Variants in PRRT4 observed in about 807,000 individuals in gnomAD.
PRRT4 encodes proline rich transmembrane protein 4.
Under a neutral mutation model 55.6 loss-of-function variants are expected in PRRT4, and 59 were observed. That is an observed-to-expected ratio of 1.06 (90% CI 0.86 to 1.32). The LOEUF is 1.32. Among genes scored for constraint, PRRT4 ranks in the 40% most tolerant of loss-of-function variants. The pLI is 0.00. For synonymous variants in PRRT4, 606 were observed against 601.8 expected, an observed-to-expected ratio of 1.01 and a Z score of -0.10; for missense variants, 1,217 against 1,222.0, an observed-to-expected ratio of 1.00 and a Z score of 0.06.
At chr7:128,353,229 C>G (rs569334464) in intron 4 of PRRT4, among the ~76,000 whole-genome samples, 21 of 152,280 alleles carry the variant, frequency 1.4e-4, no homozygotes, top group African/African-American at 5.1e-4. Flanking sequence ...CCCAAGGTCA[C>G]AAATGGGCAG....
In PRRT4 at chr7:128,359,190, G is replaced by A. The variant is rs1213974457; in HGVS notation, c.716C>T (p.Thr239Ile). Residue 239 changes from threonine to isoleucine, a missense_variant, in exon 3 of 5, where the codon ACT becomes ATT. Around this residue, in one of 3 missense-constraint regions of PRRT4, gnomAD observed 564 missense variants for 592.9 expected, o/e 0.95. Coordinates refer to ENST00000535159, the Ensembl canonical transcript of PRRT4. Reference sequence around the variant, plus strand: ...TCCAGAGGCAGAGCTTGTGGATGTAGTTTCACCTGGGGGGCTCAGGCCGGA... The same window carrying A: ...TCCAGAGGCAGAGCTTGTGGATGTAATTTCACCTGGGGGGCTCAGGCCGGA... 16 of 1,551,672 alleles carry A rather than the reference G, an allele frequency of 1.0e-5. No individual in the cohort carries two copies. In the East Asian group the frequency reaches 2.7e-4, roughly 26 times the overall value.
At position 128,351,624 on chromosome 7, in the gene PRRT4, G is replaced by A. The variant is rs530807269; in HGVS notation, c.1932C>T (p.His644=). ...AGCCTCCCGGCAGCAGCGGAGCCGC[G>A]TGGCCCGGGGACAAGCGGAAGAGCT... Residue 644 remains histidine, a synonymous_variant, in exon 5 of 5, where the codon CAC becomes CAT. Transcript: ENST00000535159. The A allele has an allele frequency of 9.7e-5, 147 of 1,512,860 alleles. No individual in the cohort carries two copies. The African/African-American group carries it at 1.4e-3, about 15-fold the overall frequency. 93.7% of individuals were successfully genotyped at this position (1,512,860 alleles called of 1,614,324 possible).
chr7:128,357,058 G>C (rs1415466400), intron 4 of PRRT4, among the ~76,000 whole-genome samples: 1 of 152,172 alleles, frequency 6.6e-6, no homozygotes, highest in Non-Finnish European at 1.5e-5. Flanking sequence ...AACTGTTCTG[G>C]TATGTATGGA....
chr7:128,358,724 T>G lies in PRRT4; in HGVS notation c.834A>C (p.Pro278=). The G allele has an allele frequency of 6.4e-7, 1 of 1,551,738 alleles. No homozygotes were observed. The highest frequency in any genetic ancestry group is 8.7e-7 in the Non-Finnish European group (1 of 1,146,998). ...TCGAGGCAAAACTTAGGGAAGCAGC[T>G]GGGTCCAGAGGACTTGGGCTGGAGA... Residue 278 remains proline, a synonymous_variant, in exon 4 of 5, where the codon CCA becomes CCC. Coordinates refer to ENST00000535159, the Ensembl canonical transcript of PRRT4. The surrounding 1 kb of genome is among the most constrained non-coding windows in gnomAD (Gnocchi z 4.4).
rs1379543764 is a variant in PRRT4, at chr7:128,358,711, T to C, written c.847A>G (p.Ser283Gly). ...GATGTTGTTGCAATCGAGGCAAAAC[T>C]TAGGGAAGCAGCTGGGTCCAGAGGA... The change falls in exon 4 of 5, where the codon AGT (serine) becomes GGT (glycine). Residue 283 changes from serine to glycine, a missense_variant. Around this residue, in one of 3 missense-constraint regions of PRRT4, gnomAD observed 564 missense variants for 592.9 expected, o/e 0.95. Transcript: ENST00000535159. The surrounding 1 kb of genome is among the most constrained non-coding windows in gnomAD (Gnocchi z 4.4). 6.4e-7 allele frequency: 1 copy of C among 1,551,716 alleles called. No individual in the cohort carries two copies.
At chr7:128,354,568 AAAACACACACACACACACAC>A (rs1227077913) in intron 4 of PRRT4, among the ~76,000 whole-genome samples, 3 of 121,358 alleles carry the variant, frequency 2.5e-5, no homozygotes, top group Non-Finnish European at 3.8e-5. Flanking sequence ...TGGCTCAAAA[AAAACACACACACACACACAC>A]ACACACACAC....
rs563477339 is a variant in PRRT4, at chr7:128,351,548, C to T, written c.2008G>A (p.Gly670Arg). The T allele has an allele frequency of 1.1e-4, 159 of 1,483,646 alleles. No homozygotes were observed. In the East Asian group the frequency reaches 2.7e-3, roughly 26 times the overall value. The allele number at this position is 1,483,646 out of a possible 1,614,324, so 91.9% of individuals were successfully genotyped here. Residue 670 changes from glycine (G) to arginine (R), a missense_variant, in exon 5 of 5, where the codon GGG becomes AGG. Transcript: ENST00000535159. ...CACAGCTGCAGCAGCTCCGCGTCCC[C>T]GCGAGCGATGGCGCTCCCCAGGGGC...
At chr7:128,355,138 A>T (rs1414747274) in intron 4 of PRRT4, among the ~76,000 whole-genome samples, 3 of 152,210 alleles carry the variant, frequency 2.0e-5, no homozygotes, top group Non-Finnish European at 4.4e-5. Context: ...AAGAGTGAAC[A>T]TCAACACATT....
downstream of PRRT4, chr7:128,350,811 G>A (rs774039102): frequency 5.8e-6 from 9 of 1,540,472 alleles, no homozygotes; most frequent in Admixed American, 9.9e-5. Context: ...GGCAGGGCAG[G>A]CGCCAGAAAG....
At chr7:128,359,106 G>A (rs934644747) in intron 3 of PRRT4, 43 bp downstream of exon 4, 11 of 1,531,450 alleles carry the variant, frequency 7.2e-6, no homozygotes, top group East Asian at 2.5e-5. Context: ...CGCTTGGCAC[G>A]TAGAGTGTTC....
intron 1 of PRRT4, among the ~76,000 whole-genome samples, chr7:128,361,063 C>T (rs918046407): frequency 6.0e-5 from 9 of 148,878 alleles, no homozygotes; most frequent in Non-Finnish European, 5.9e-5. Context: ...TCTGTGAGCC[C>T]CCGGCCTCCC....
exon 2 of PRRT4, chr7:128,359,571 C>T (rs1251707697): frequency 7.3e-6 from 11 of 1,496,826 alleles, no homozygotes; most frequent in Admixed American, 4.7e-5. Flanking sequence ...GCAGTGGGCC[C>T]ATCGCTGGGC....
intron 4 of PRRT4, among the ~76,000 whole-genome samples, chr7:128,357,021 T>C (rs1428543077): frequency 6.6e-6 from 1 of 152,208 alleles, no homozygotes; most frequent in African/African-American, 2.4e-5. Context: ...TTCACTGGTA[T>C]GAAAGCTGCA....
At chr7:128,360,706 C>G (rs1040462271) in intron 1 of PRRT4, among the ~76,000 whole-genome samples, 1 of 152,158 alleles carries the variant, frequency 6.6e-6, no homozygotes, top group Non-Finnish European at 1.5e-5. Context: ...TGTTCCCTTC[C>G]CTAGGACCCT....
exon 2 of PRRT4, chr7:128,359,711 C>T: frequency 6.4e-7 from 1 of 1,551,586 alleles, no homozygotes; most frequent in Non-Finnish European, 8.7e-7. Context: ...GGGGTCAGTC[C>T]TCAGCCCACT....
chr7:128,359,517 G>A (rs1160400852), exon 2 of PRRT4: 1 of 1,475,156 alleles, frequency 6.8e-7, no homozygotes, highest in South Asian at 1.4e-5. Flanking sequence ...GTCACCATCA[G>A]AGCAGTGTCC....
At chr7:128,351,877 G>A (rs1018015599) in exon 5 of PRRT4, 3 of 1,329,036 alleles carry the variant, frequency 2.3e-6, no homozygotes, top group African/African-American at 3.1e-5. Context: ...CACCGGGGCC[G>A]TGCGCGCCGC....
intron 4 of PRRT4, among the ~76,000 whole-genome samples, chr7:128,357,679 G>A (rs1021551895): frequency 2.0e-5 from 3 of 152,248 alleles, no homozygotes; most frequent in Non-Finnish European, 4.4e-5. Flanking sequence ...AAGCTGGGGA[G>A]ACCAGTGGTT....
chr7:128,357,209 T>TACACACACACAC (rs763703914), intron 4 of PRRT4, among the ~76,000 whole-genome samples: 2 of 127,170 alleles, frequency 1.6e-5, no homozygotes, highest in Admixed American at 7.8e-5. Context: ...TTGATACAAA[T>TACACACACACAC]ACACACACAC....
Sources: gnomAD v4.1 joint callset for allele counts (sites outside exome capture counted in the v4.1 genomes callset) on GRCh38, gnomAD v4.1.1 for gene constraint, gnomAD v4.1.1 regional missense constraint, Gnocchi (gnomAD v3.1) non-coding constraint, MANE v1.5 for transcripts, NCBI Gene and HGNC (gene_info 2026-07-23, HGNC 2026-07-21) for gene names.